LRCH3: variants seen among roughly 807,000 people sequenced by gnomAD.
The protein encoded by LRCH3 is leucine rich repeats and calponin homology domain containing 3, also known as DISP complex protein LRCH3.
A neutral mutation model predicts 104.5 loss-of-function variants in LRCH3; 68 were observed. That is an observed-to-expected ratio of 0.65 (90% CI 0.54 to 0.80). The LOEUF (loss-of-function observed/expected upper bound fraction) is 0.80, where lower values mean the gene tolerates loss of function less well. Among genes scored for constraint, LRCH3 ranks in the 30% least tolerant of loss-of-function variants. LRCH3 has a pLI of 0.00. For synonymous variants in LRCH3, 344 were observed against 361.3 expected (o/e 0.95, Z 0.54); for missense variants, 951 against 953.9 (o/e 1.00, Z 0.04).
rs1215207560 is a variant in LRCH3, at chr3:197,887,088, C to CT, written c.*3428dup. The CT allele has an allele frequency of 6.6e-6, 1 of 151,864 alleles. No individual in the cohort carries two copies. The highest frequency in any genetic ancestry group is 1.5e-5 in the Non-Finnish European group (1 of 67,952). The allele number at this position is 151,864 out of a possible 1,614,324, so 9.4% of individuals were successfully genotyped here. On this transcript the variant is annotated 3_prime_UTR_variant, in exon 21 of 21. Transcript: ENST00000425562. ...ATCAAATGCTTTGAATTTTTTTTCTCTTTTTTCAAACCCTCTGCAGAGGTA... is the reference window on the plus strand; with the variant it reads ...ATCAAATGCTTTGAATTTTTTTTCTCTTTTTTTCAAACCCTCTGCAGAGGTA...
chr3:197,883,784 C>G lies in LRCH3; in HGVS notation c.*118C>G. 9.4e-7 allele frequency: 1 copy of G among 1,068,474 alleles called. No homozygotes were observed. Among genetic ancestry groups the G allele is most frequent in the South Asian group, 2.4e-5 (1 of 41,430 alleles). 66.2% of individuals were successfully genotyped at this position (1,068,474 alleles called of 1,614,324 possible). ...GTGTGTTCTCAGAAGGGACCGTTCC[C>G]ATGATTCCTAACAGGAATATTTTGC... On this transcript the variant is annotated 3_prime_UTR_variant, in exon 21 of 21. Coordinates refer to ENST00000425562, the MANE Select transcript of LRCH3 (RefSeq NM_001365715.1). The surrounding 1 kb of genome is among the most constrained non-coding windows in gnomAD (Gnocchi z 4.2).
rs544554055 is a variant in LRCH3, at chr3:197,881,952, T to C, written c.2209-1589T>C. The C allele has an allele frequency of 4.3e-5, 42 of 985,442 alleles. No homozygotes were observed. In the African/African-American group the frequency reaches 6.8e-4, roughly 16 times the overall value. The allele number at this position is 985,442 out of a possible 1,614,324, so 61.0% of individuals were successfully genotyped here. A position where few individuals can be genotyped will look rare whatever the true frequency, so the allele number is the denominator to read the frequency against. On this transcript the variant is annotated intron_variant, in intron 20 of 20. Coordinates refer to ENST00000425562, the MANE Select transcript of LRCH3 (RefSeq NM_001365715.1). The stretch of plus-strand genomic sequence containing the variant: ...CTGTTCACTATTAATGCTGAAACAC[T>C]CAACACTGTGATGATGAAAACTTCA...
chr3:197,877,130 G>A (rs370549303), intron 20 of LRCH3, among the ~76,000 whole-genome samples: 1 of 1,252 alleles, frequency 8.0e-4, no homozygotes, highest in African/African-American at 1.7e-3. Flanking sequence ...CGCACCCATG[G>A]CAGTGATTCT....
At position 197,854,430 on chromosome 3, in the gene LRCH3, T is replaced by C. The variant is rs748745883; in HGVS notation, c.1629T>C (p.Asp543=). The change falls in exon 14 of 21, where the codon GAT becomes GAC. Residue 543 remains aspartate, a synonymous_variant. Transcript: ENST00000425562. This position sits in a 1 kb window ranked among gnomAD's most constrained non-coding sequence, Gnocchi z 4.5. ...FPSRRSQHTD[D]SALCMSLSGL... ...CCAGAAGGTCTCAGCACACTGATGATAGTGCCTTGTGCATGGTAAGAGTTT... is the reference window on the plus strand; with the variant it reads ...CCAGAAGGTCTCAGCACACTGATGACAGTGCCTTGTGCATGGTAAGAGTTT... 1 of 1,614,176 alleles carries C rather than the reference T, an allele frequency of 6.2e-7. No individual in the cohort carries two copies. The highest frequency in any genetic ancestry group is 8.5e-7 in the Non-Finnish European group (1 of 1,179,988).
Position 197,881,387 on chromosome 3 carries a change from CA to C in LRCH3, c.2209-2153del, listed in dbSNP as rs925694936. 3 of 986,794 alleles carry C rather than the reference CA, an allele frequency of 3.0e-6. No homozygotes were observed. In the African/African-American group the frequency reaches 5.2e-5, roughly 17 times the overall value. 61.1% of individuals were successfully genotyped at this position (986,794 alleles called of 1,614,324 possible). Reference sequence around the variant, plus strand: ...ATTCCCTAGACTGCTCTTCTGAGCCCAGTCTATACGCTGTATGTGCTGCACA... The same window carrying C: ...ATTCCCTAGACTGCTCTTCTGAGCCCGTCTATACGCTGTATGTGCTGCACA... On this transcript the variant is annotated intron_variant, in intron 20 of 20. Transcript: ENST00000425562.
chr3:197,842,293 C>T (rs887818699), intron 10 of LRCH3, among the ~76,000 whole-genome samples: 6 of 152,120 alleles, frequency 3.9e-5, no homozygotes, highest in African/African-American at 1.2e-4. Context: ...AAGTTCCTTT[C>T]CAGATGTTGG....
intron 20 of LRCH3, among the ~76,000 whole-genome samples, chr3:197,879,009 A>G (rs1242526051): frequency 6.6e-6 from 1 of 152,256 alleles, no homozygotes. Flanking sequence ...AGTGTTGTAC[A>G]AGTTAAAGTA....
At position 197,814,643 on chromosome 3, in the gene LRCH3, G is replaced by A. The variant is rs111236761; in HGVS notation, c.263-265G>A. Among the ~76,000 whole-genome samples the A allele has an allele frequency of 1.8e-4, 27 of 152,296 alleles. 1 individual carries two copies. The highest frequency in any genetic ancestry group is 6.3e-4 in the African/African-American group (26 of 41,564). Reference sequence around the variant, plus strand: ...CTTGATCATCTTTGGTGAATAAAGGGACAGTGTTTTTTGTTTTGCTTTTCA... The same window carrying A: ...CTTGATCATCTTTGGTGAATAAAGGAACAGTGTTTTTTGTTTTGCTTTTCA... On this transcript the variant is annotated intron_variant, in intron 1 of 20. Transcript: ENST00000425562.
chr3:197,795,283 C>A (rs1003103957), intron 1 of LRCH3, among the ~76,000 whole-genome samples: 1 of 152,108 alleles, frequency 6.6e-6, no homozygotes, highest in African/African-American at 2.4e-5. Context: ...CTCCAATTTT[C>A]CTAGGGAACC....
At chr3:197,791,982 C>T (rs1730576838) in intron 1 of LRCH3, among the ~76,000 whole-genome samples, 1 of 151,974 alleles carries the variant, frequency 6.6e-6, no homozygotes, top group South Asian at 2.1e-4. Context: ...GGTCTCAGCC[C>T]TGGAGTTTTT....
chr3:197,829,741 A>C, intron 6 of LRCH3, 68 bp downstream of exon 6: 1 of 1,056,798 alleles, frequency 9.5e-7, no homozygotes, highest in Non-Finnish European at 1.4e-6. Flanking sequence ...TGGATACTTA[A>C]ATTTGCCTGA....
Position 197,883,411 on chromosome 3 carries a change from C to A in LRCH3, c.2209-130C>A. ...CTCATATTTACACTGAGGTCAGTTT[C>A]CCAGGTACTAATTTTCATATCTAAG... is the stretch of plus-strand genomic sequence containing the variant. On this transcript the variant is annotated intron_variant, in intron 20 of 20. Coordinates refer to ENST00000425562, the MANE Select transcript of LRCH3 (RefSeq NM_001365715.1). This position sits in a 1 kb window ranked among gnomAD's most constrained non-coding sequence, Gnocchi z 4.2. 2 of 1,401,932 alleles carry A rather than the reference C, an allele frequency of 1.4e-6. No individual in the cohort carries two copies. Among genetic ancestry groups the A allele is most frequent in the Non-Finnish European group, 1.9e-6 (2 of 1,069,736 alleles). 86.8% of individuals were successfully genotyped at this position (1,401,932 alleles called of 1,614,324 possible). A position where few individuals can be genotyped will look rare whatever the true frequency, so the allele number is the denominator to read the frequency against.
intron 1 of LRCH3, among the ~76,000 whole-genome samples, chr3:197,792,604 T>TATATATATATATATATATATATAA (rs1553912025): frequency 5.8e-4 from 34 of 58,540 alleles, no homozygotes; most frequent in Admixed American, 1.6e-3. Context: ...TATATATATA[T>TATATATATATATATATATATATAA]AAAATATACA....
At chr3:197,869,941 G>A (rs576563819) in intron 17 of LRCH3, among the ~76,000 whole-genome samples, 1 of 146,144 alleles carries the variant, frequency 6.8e-6, no homozygotes, top group Admixed American at 6.8e-5. Flanking sequence ...GGTAGAAAGC[G>A]ATGCACTGTA....
rs79382131 is a variant in LRCH3 at position 197,835,497 on chromosome 3, TAAAA to T, written c.1103-159_1103-156del. Among the ~76,000 whole-genome samples the T allele has an allele frequency of 1.3e-4, 18 of 135,060 alleles. 1 individual carries two copies. Among genetic ancestry groups the T allele is most frequent in the Non-Finnish European group, 1.4e-4 (9 of 63,918 alleles). 88.6% of individuals were successfully genotyped at this position (135,060 alleles called of 152,430 possible). A position where few individuals can be genotyped will look rare whatever the true frequency, so the allele number is the denominator to read the frequency against. ...CCACCAACCTTGGACATAAAATGGG[TAAAA>T]AAAAAAAAAAAAAAAAAGACTTAAG... On this transcript the variant is annotated intron_variant, in intron 8 of 20. Transcript: ENST00000425562.
intron 1 of LRCH3, among the ~76,000 whole-genome samples, chr3:197,794,513 GT>G (rs1440361127): frequency 6.6e-6 from 1 of 152,158 alleles, no homozygotes; most frequent in Non-Finnish European, 1.5e-5. Context: ...TTAAAGCCAA[GT>G]AAAATTAGTT....
chr3:197,880,059 C>A (rs1378454415), intron 20 of LRCH3, among the ~76,000 whole-genome samples: 1 of 151,108 alleles, frequency 6.6e-6, no homozygotes, highest in Non-Finnish European at 1.5e-5. Context: ...CATTCTCCTG[C>A]CTCAGCCTCC....
rs1174866875 is a variant in LRCH3 at position 197,835,771 on chromosome 3, C to A, written c.1200C>A (p.Ser400Arg). The A allele has an allele frequency of 1.9e-6, 3 of 1,614,024 alleles. No individual in the cohort carries two copies. Among genetic ancestry groups the A allele is most frequent in the Non-Finnish European group, 1.7e-6 (2 of 1,180,002 alleles). The change falls in exon 9 of 21, where the codon AGC (serine) becomes AGA (arginine). Residue 400 changes from serine to arginine, a missense_variant. Physicochemically the swap from Ser to Arg is moderately radical, Grantham distance 110 (BLOSUM62 -1). Transcript: ENST00000425562. The stretch of plus-strand genomic sequence containing the variant: ...AGCCCAAGGGACCAGACCCAGACAG[C>A]CTTAGTTCACAGTTTATGGCGTATA... ...VRQPKGPDPD[S>R]LSSQFMAYIE...
At chr3:197,807,759 G>T (rs1732672748) in intron 1 of LRCH3, among the ~76,000 whole-genome samples, 3 of 151,976 alleles carry the variant, frequency 2.0e-5, no homozygotes, top group Admixed American at 2.0e-4. Context: ...ATCTCTTTGT[G>T]TAGCTCTCTT....
Sources: allele counts gnomAD v4.1 joint callset (sites outside exome capture counted in the v4.1 genomes callset), GRCh38; gene constraint gnomAD v4.1.1; non-coding constraint Gnocchi (gnomAD v3.1); transcripts MANE v1.5; gene names NCBI Gene and HGNC (gene_info 2026-07-23, HGNC 2026-07-21).